NFATC2: variants seen among roughly 807,000 people sequenced by gnomAD.
NFATC2 encodes the protein nuclear factor of activated T cells 2, also known as nuclear factor of activated T-cells, cytoplasmic 2.
NFATC2 carries 22 observed loss-of-function variants against 87.3 expected under a neutral mutation model. The ratio of observed to expected loss-of-function variants is 0.25; its 90% confidence interval spans 0.18 to 0.36. The LOEUF is 0.36. Among genes scored for constraint, NFATC2 ranks in the 10% least tolerant of loss-of-function variants. NFATC2 has a pLI of 1.00. For synonymous variants in NFATC2, 565 were observed against 542.2 expected, an observed-to-expected ratio of 1.04 and a Z score of -0.58; for missense variants, 1,149 against 1,259.1, an observed-to-expected ratio of 0.91 and a Z score of 1.32.
intron 2 of NFATC2, among the ~76,000 whole-genome samples, chr20:51,518,368 T>C (rs1038343368): frequency 2.0e-5 from 3 of 152,216 alleles, no homozygotes; most frequent in Admixed American, 6.5e-5. Flanking sequence ...GCCAATTCTA[T>C]GTCTTCTCTA....
chr20:51,562,528 GA>G lies in NFATC2; in HGVS notation c.70+31del. 3 of 1,532,508 alleles carry G rather than the reference GA, an allele frequency of 2.0e-6. No individual in the cohort carries two copies. The highest frequency in any genetic ancestry group is 2.5e-5 in the East Asian group (1 of 40,550). 94.9% of individuals were successfully genotyped at this position (1,532,508 alleles called of 1,614,324 possible). Reference sequence around the variant, plus strand: ...AGGAAAGGGCCGGGAGGAGCGAGCGGAAAAGGCTGGAAGGGATCGAGAGTCA... The same window carrying G: ...AGGAAAGGGCCGGGAGGAGCGAGCGGAAAGGCTGGAAGGGATCGAGAGTCA... On this transcript the variant is annotated intron_variant, in intron 1 of 10. Coordinates refer to the NFATC2 transcript ENST00000414705. The surrounding 1 kb of genome is among the most constrained non-coding windows in gnomAD (Gnocchi z 5.8).
intron 3 of NFATC2, among the ~76,000 whole-genome samples, chr20:51,506,155 A>G (rs780044424): frequency 1.3e-5 from 2 of 152,192 alleles, no homozygotes; most frequent in South Asian, 2.1e-4. Flanking sequence ...TGGCAGCGCC[A>G]CTATCTCTCC....
chr20:51,527,996 G>A (rs944515096), intron 1 of NFATC2, among the ~76,000 whole-genome samples: 2 of 151,314 alleles, frequency 1.3e-5, no homozygotes, highest in South Asian at 2.1e-4. Flanking sequence ...CCCAGCCACT[G>A]GAGAAGCTGA....
Position 51,542,245 on chromosome 20 carries a change from G to A in NFATC2, c.130+125C>T, listed in dbSNP as rs902991242. The A allele has an allele frequency of 4.0e-6, 5 of 1,252,542 alleles. No individual in the cohort carries two copies. The African/African-American group carries it at 8.0e-5, about 20-fold the overall frequency. 77.6% of individuals were successfully genotyped at this position (1,252,542 alleles called of 1,614,324 possible). The stretch of plus-strand genomic sequence containing the variant: ...CCTCCCCTCCCTGGCACCTGGGTAG[G>A]GGCACCCTCCCTCCAGGCCCCTTAG... On this transcript the variant is annotated intron_variant, in intron 1 of 10. Coordinates refer to ENST00000371564, the MANE Select transcript of NFATC2 (RefSeq NM_012340.5).
intron 9 of NFATC2, among the ~76,000 whole-genome samples, chr20:51,415,434 G>A (rs569654259): frequency 7.9e-5 from 12 of 152,134 alleles, no homozygotes; most frequent in Middle Eastern, 6.8e-3. Context: ...GGATGGACCC[G>A]GCTTCCTGAA....
intron 2 of NFATC2, among the ~76,000 whole-genome samples, chr20:51,521,738 G>A (rs1238962428): frequency 6.6e-6 from 1 of 152,220 alleles, no homozygotes; most frequent in East Asian, 1.9e-4. Flanking sequence ...CCTCATGTAG[G>A]AGAACAGATA....
rs201940278 is a variant in NFATC2 at position 51,454,661 on chromosome 20, A to G, written c.1736T>C (p.Met579Thr). The stretch of plus-strand genomic sequence containing the variant: ...GCTGTCTGTGTCTTGTCTTTCAACC[A>G]TGGGCAGCTCGTGAGCAGATCGCTG... ...CSQRSAHELP[M>T]VERQDTDSCL... The change falls in exon 6 of 11, where the codon ATG becomes ACG. Residue 579 changes from methionine to threonine, a missense_variant. Met to Thr is a moderately conservative substitution (Grantham distance 81, BLOSUM62 -1). Transcript: ENST00000371564. The G allele has an allele frequency of 3.3e-4, 526 of 1,614,014 alleles. 2 individuals are homozygous for G. The highest frequency in any genetic ancestry group is 1.5e-4 in the Non-Finnish European group (180 of 1,180,014).
chr20:51,506,777 G>A (rs759162062), intron 3 of NFATC2, among the ~76,000 whole-genome samples: 5 of 152,150 alleles, frequency 3.3e-5, no homozygotes. Context: ...CCCAGGTGTG[G>A]TCATGGTCCC....
intron 1 of NFATC2, among the ~76,000 whole-genome samples, chr20:51,536,196 T>C (rs1157082191): frequency 6.6e-6 from 1 of 152,194 alleles, no homozygotes; most frequent in Non-Finnish European, 1.5e-5. Context: ...ATTATATAAA[T>C]ATCAACTATA....
At chr20:51,411,480 A>G (rs1477963891) in intron 9 of NFATC2, among the ~76,000 whole-genome samples, 1 of 151,000 alleles carries the variant, frequency 6.6e-6, no homozygotes, top group Non-Finnish European at 1.5e-5. Context: ...GCCACACTAC[A>G]AACCATAGTG....
At chr20:51,411,138 C>A in intron 9 of NFATC2, among the ~76,000 whole-genome samples, 1 of 152,152 alleles carries the variant, frequency 6.6e-6, no homozygotes, top group East Asian at 1.9e-4. Context: ...AATGATTACT[C>A]CCATTTTGCA....
At chr20:51,411,580 T>C (rs1979266329) in intron 9 of NFATC2, among the ~76,000 whole-genome samples, 1 of 146,858 alleles carries the variant, frequency 6.8e-6, no homozygotes, top group African/African-American at 2.5e-5. Context: ...CAGGCTCGTG[T>C]GCAGTAGCAC....
intron 3 of NFATC2, among the ~76,000 whole-genome samples, chr20:51,497,825 T>C (rs574914884): frequency 3.4e-4 from 52 of 151,876 alleles, no homozygotes; most frequent in African/African-American, 1.1e-3. Context: ...GGACCCCCAA[T>C]CCCACCAGAG....
At chr20:51,468,242 G>T (rs986282961) in intron 5 of NFATC2, among the ~76,000 whole-genome samples, 4 of 152,164 alleles carry the variant, frequency 2.6e-5, no homozygotes, top group African/African-American at 9.7e-5. Flanking sequence ...TGGTGGTTAC[G>T]TGGGTATATG....
intron 1 of NFATC2, among the ~76,000 whole-genome samples, chr20:51,528,219 T>C (rs1211609044): frequency 6.6e-6 from 1 of 152,064 alleles, no homozygotes; most frequent in Non-Finnish European, 1.5e-5. Flanking sequence ...AAAGCCCATC[T>C]ATTGGGGATG....
rs75848311 is a variant in NFATC2, at chr20:51,393,194, A to G, written c.*45-1743T>C. Among the ~76,000 whole-genome samples the G allele has an allele frequency of 9.4e-3, 1,434 of 152,272 alleles. 22 individuals are homozygous for G. Among genetic ancestry groups the G allele is most frequent in the African/African-American group, 0.033 (1,390 of 41,550 alleles). On this transcript the variant is annotated intron_variant, in intron 10 of 10. Transcript: ENST00000371564. ...CACAAGCATGTACATGAGAGGTCGG[A>G]TTCTGGAGCCAGCGGGGTTAGATTT...
At chr20:51,411,795 C>T (rs1291446255) in intron 9 of NFATC2, among the ~76,000 whole-genome samples, 2 of 152,072 alleles carry the variant, frequency 1.3e-5, no homozygotes, top group East Asian at 3.9e-4. Flanking sequence ...CCCAAAGTAC[C>T]GAAATTCCAG....
At chr20:51,532,326 C>T (rs1037424121) in intron 1 of NFATC2, among the ~76,000 whole-genome samples, 2 of 152,106 alleles carry the variant, frequency 1.3e-5, no homozygotes, top group Admixed American at 6.6e-5. Flanking sequence ...CCTCCACCCC[C>T]CTAACCACTA....
intron 9 of NFATC2, among the ~76,000 whole-genome samples, chr20:51,431,037 G>A (rs1043499030): frequency 1.3e-5 from 2 of 152,086 alleles, no homozygotes; most frequent in African/African-American, 4.8e-5. Context: ...AGTGTCATGG[G>A]CTTTGCAACT....
Sources: allele counts gnomAD v4.1 joint callset (sites outside exome capture counted in the v4.1 genomes callset), GRCh38; gene constraint gnomAD v4.1.1; non-coding constraint Gnocchi (gnomAD v3.1); transcripts MANE v1.5; gene names NCBI Gene and HGNC (gene_info 2026-07-23, HGNC 2026-07-21).